CNIH3: variants seen among roughly 807,000 people sequenced by gnomAD.
CNIH3 encodes the protein cornichon family AMPA receptor auxiliary protein 3, also known as protein cornichon homolog 3.
Under a neutral mutation model 24.1 loss-of-function variants are expected in CNIH3, and 14 were observed. That is an observed-to-expected ratio of 0.58 (90% CI 0.38 to 0.91). The LOEUF (loss-of-function observed/expected upper bound fraction) is 0.91, where lower values mean the gene tolerates loss of function less well. Ranked by LOEUF, CNIH3 falls within the 40% of genes least tolerant of loss-of-function variation. The pLI is 0.00. For missense variants in CNIH3, 178 were observed against 196.8 expected (o/e 0.90, Z 0.57); for synonymous variants, 68 against 73.8 (o/e 0.92, Z 0.40).
rs191566501 is a variant in CNIH3 at position 224,453,852 on chromosome 1, G to A, written n.203+18990G>A. On this transcript the variant is annotated intron_variant and non_coding_transcript_variant, in intron 1 of 5. Coordinates refer to the CNIH3 transcript ENST00000471578. ...ATAGCATTGAGGGGAGAAGAAAAGTGAAACAAAGAGAAGAAATGGGACCCT... is the reference window on the plus strand; with the variant it reads ...ATAGCATTGAGGGGAGAAGAAAAGTAAAACAAAGAGAAGAAATGGGACCCT... 6.5e-3 allele frequency among the ~76,000 whole-genome samples: 982 copies of A among 152,158 alleles called. 5 individuals carry two copies. Among genetic ancestry groups the A allele is most frequent in the Non-Finnish European group, 9.3e-3 (631 of 68,004 alleles).
rs552488146 is a variant in CNIH3, at chr1:224,635,296, A to T, written c.81+18041A>T. Among the ~76,000 whole-genome samples, 356 of 152,286 alleles carry T rather than the reference A, an allele frequency of 2.3e-3. 1 individual carries two copies. In the Middle Eastern group the frequency reaches 0.027, roughly 12 times the overall value. On this transcript the variant is annotated intron_variant, in intron 1 of 5. Coordinates refer to ENST00000272133, the MANE Select transcript of CNIH3 (RefSeq NM_152495.2). The stretch of plus-strand genomic sequence containing the variant: ...CACCTCCCACCAGGCCCCTCCCACG[A>T]CACTTGGGGATTACTATTCGAGATG...
chr1:224,469,439 T>C (rs1422074297), intron 1 of CNIH3, among the ~76,000 whole-genome samples: 1 of 152,186 alleles, frequency 6.6e-6, no homozygotes, highest in Admixed American at 6.5e-5. Flanking sequence ...TTTTCAAATA[T>C]TGAACTGGCC....
intron 4 of CNIH3, among the ~76,000 whole-genome samples, chr1:224,566,629 T>A (rs1044191024): frequency 1.3e-5 from 2 of 152,226 alleles, no homozygotes; most frequent in African/African-American, 4.8e-5. Context: ...TTTGGTTTTC[T>A]GTTCCTGTGA....
At chr1:224,542,699 G>A (rs1468563890) in intron 2 of CNIH3, among the ~76,000 whole-genome samples, 2 of 152,204 alleles carry the variant, frequency 1.3e-5, no homozygotes, top group African/African-American at 4.8e-5. Flanking sequence ...AGATTAGGCA[G>A]CCCAAAGACA....
At chr1:224,490,621 C>G (rs1190311533) in intron 1 of CNIH3, among the ~76,000 whole-genome samples, 1 of 152,152 alleles carries the variant, frequency 6.6e-6, no homozygotes, top group Admixed American at 6.5e-5. Context: ...TGTTAATACA[C>G]CAATACATCC....
chr1:224,595,161 C>T (rs2125033990), intron 3 of CNIH3, among the ~76,000 whole-genome samples: 1 of 152,326 alleles, frequency 6.6e-6, no homozygotes, highest in Non-Finnish European at 1.5e-5. Context: ...ATCCTCCTAC[C>T]TCAACCTTGC....
intron 1 of CNIH3, among the ~76,000 whole-genome samples, chr1:224,464,837 C>A (rs899116700): frequency 6.6e-6 from 1 of 151,944 alleles, no homozygotes; most frequent in African/African-American, 2.4e-5. Context: ...GCTCTATTGC[C>A]CAGGCTGAAG....
chr1:224,580,238 G>A (rs1266910693), intron 4 of CNIH3, among the ~76,000 whole-genome samples: 1 of 152,102 alleles, frequency 6.6e-6, no homozygotes, highest in South Asian at 2.1e-4. Flanking sequence ...ACTCCCAAAG[G>A]TACCTGGGCT....
intron 3 of CNIH3, among the ~76,000 whole-genome samples, chr1:224,597,738 G>A (rs74149604): frequency 0.026 from 3,964 of 152,246 alleles, 178 homozygotes; most frequent in African/African-American, 0.09. Flanking sequence ...AAACTGGTAA[G>A]TATAAATAAG....
chr1:224,661,602 T>C (rs767266085), intron 1 of CNIH3: 106 of 362,836 alleles, frequency 2.9e-4, no homozygotes, highest in South Asian at 4.3e-4. Flanking sequence ...AGACATCATC[T>C]ACGTTATGAA....
At chr1:224,625,435 A>G (rs542312334) in intron 1 of CNIH3, among the ~76,000 whole-genome samples, 1 of 152,178 alleles carries the variant, frequency 6.6e-6, no homozygotes, top group Non-Finnish European at 1.5e-5. Flanking sequence ...GGGCGCCTAT[A>G]GTCCCAGCTA....
chr1:224,604,494 G>A lies in CNIH3; in HGVS notation n.402+38230G>A, dbSNP rs114028759. On this transcript the variant is annotated intron_variant and non_coding_transcript_variant, in intron 3 of 7. Coordinates refer to the CNIH3 transcript ENST00000478120. This position sits in a 1 kb window ranked among gnomAD's most constrained non-coding sequence, Gnocchi z 4.4. ...TGGACTGGACAGAGGCTGAGATGGA[G>A]CCTCTGAAGAAGGGACCCCTACGCC... 4.1e-3 allele frequency among the ~76,000 whole-genome samples: 626 copies of A among 152,300 alleles called. 4 individuals carry two copies. The highest frequency in any genetic ancestry group is 0.014 in the African/African-American group (596 of 41,558).
chr1:224,685,996 C>T lies in CNIH3; in HGVS notation c.198+1153C>T, dbSNP rs191567410. ...TAATGTCTTGGAGACCCATAACCTGCTCCAGCCAGTACTACTTTTTTTTTT... is the reference window on the plus strand; with the variant it reads ...TAATGTCTTGGAGACCCATAACCTGTTCCAGCCAGTACTACTTTTTTTTTT... On this transcript the variant is annotated intron_variant, in intron 3 of 5. Transcript: ENST00000272133. 5.8e-3 allele frequency among the ~76,000 whole-genome samples: 878 copies of T among 152,028 alleles called. 9 individuals are homozygous for T. Among genetic ancestry groups the T allele is most frequent in the African/African-American group, 0.02 (812 of 41,454 alleles).
At chr1:224,598,671 A>G (rs1021478822) in intron 3 of CNIH3, among the ~76,000 whole-genome samples, 2 of 152,244 alleles carry the variant, frequency 1.3e-5, no homozygotes, top group Admixed American at 6.5e-5. Context: ...GTCAGCAGCC[A>G]TCAACATGCA....
chr1:224,501,904 T>C (rs1677690147), intron 1 of CNIH3, among the ~76,000 whole-genome samples: 1 of 152,106 alleles, frequency 6.6e-6, no homozygotes, highest in South Asian at 2.1e-4. Context: ...GACCAGCTAC[T>C]TTCCTGGAAG....
chr1:224,581,414 T>C (rs1398572879), intron 4 of CNIH3, among the ~76,000 whole-genome samples: 3 of 152,240 alleles, frequency 2.0e-5, no homozygotes, highest in Non-Finnish European at 2.9e-5. Flanking sequence ...TCTACCCTTT[T>C]GAAAACCTTT....
chr1:224,469,851 T>C (rs1676296201), intron 1 of CNIH3, among the ~76,000 whole-genome samples: 1 of 152,220 alleles, frequency 6.6e-6, no homozygotes, highest in Non-Finnish European at 1.5e-5. Flanking sequence ...ATCATTTTCC[T>C]TCTACTTTCA....
intron 1 of CNIH3, among the ~76,000 whole-genome samples, chr1:224,462,679 C>T (rs1253361049): frequency 7.9e-6 from 1 of 126,058 alleles, no homozygotes; most frequent in African/African-American, 2.9e-5. Context: ...CTCATTCTGT[C>T]ACCTGGCTGA....
chr1:224,692,900 A>G (rs1410369040), intron 3 of CNIH3, among the ~76,000 whole-genome samples: 1 of 152,226 alleles, frequency 6.6e-6, no homozygotes, highest in Non-Finnish European at 1.5e-5. Context: ...AAGGGAAGCT[A>G]CGGATACCGA....
Sources: allele counts gnomAD v4.1 joint callset (sites outside exome capture counted in the v4.1 genomes callset), GRCh38; gene constraint gnomAD v4.1.1; non-coding constraint Gnocchi (gnomAD v3.1); transcripts MANE v1.5; gene names NCBI Gene and HGNC (gene_info 2026-07-23, HGNC 2026-07-21).